The following TAF12 variants were observed in gnomAD, a reference collection of about 807,000 sequenced individuals.
TAF12 encodes the protein transcription initiation factor TFIID subunit 12.
Under a neutral mutation model 20.8 loss-of-function variants are expected in TAF12, and 3 were observed. That is an observed-to-expected ratio of 0.14 (90% CI 0.07 to 0.37). The LOEUF is 0.37. Among genes scored for constraint, TAF12 ranks in the 10% least tolerant of loss-of-function variants. The pLI is 1.00. For missense variants in TAF12, 131 were observed against 197.9 expected (o/e 0.66, Z 2.03); for synonymous variants, 69 against 70.2 (o/e 0.98, Z 0.09).
intron 1 of TAF12, among the ~76,000 whole-genome samples, chr1:28,629,640 GTTTT>G (rs561078657): frequency 2.0e-5 from 3 of 151,812 alleles, no homozygotes; most frequent in Non-Finnish European, 2.9e-5. Context: ...CAGGCCTTGG[GTTTT>G]TTGTTTGTTT....
At chr1:28,612,435 G>A (rs540077733) in intron 4 of TAF12, among the ~76,000 whole-genome samples, 50 of 144,012 alleles carry the variant, frequency 3.5e-4, no homozygotes, top group Non-Finnish European at 7.2e-4. Flanking sequence ...AGTGAGACTC[G>A]ATCAAAAAAA....
intron 1 of TAF12, among the ~76,000 whole-genome samples, chr1:28,635,147 G>A (rs1335189618): frequency 5.2e-5 from 6 of 115,098 alleles, no homozygotes; most frequent in Non-Finnish European, 9.1e-5. Flanking sequence ...GGAGAATAGC[G>A]CGAACCCGGG....
At chr1:28,623,830 T>G in intron 1 of TAF12, 2 of 327,018 alleles carry the variant, frequency 6.1e-6, no homozygotes, top group Non-Finnish European at 8.8e-6. Flanking sequence ...CTGGAGCAGC[T>G]GAGACTCCTG....
upstream of TAF12, among the ~76,000 whole-genome samples, chr1:28,643,695 C>G (rs1234347872): frequency 1.3e-5 from 2 of 152,178 alleles, no homozygotes; most frequent in Non-Finnish European, 2.9e-5. Flanking sequence ...ACTCAGAACT[C>G]ACTACTAAGC....
chr1:28,639,412 G>GA (rs985457130), intron 1 of TAF12, among the ~76,000 whole-genome samples: 1 of 59,730 alleles, frequency 1.7e-5, no homozygotes, highest in Non-Finnish European at 3.4e-5. Flanking sequence ...GTGAAAGAGC[G>GA]AAACTCCGTC....
At chr1:28,618,455 G>GT (rs1223962596) in intron 2 of TAF12, among the ~76,000 whole-genome samples, 3 of 151,646 alleles carry the variant, frequency 2.0e-5, no homozygotes, top group African/African-American at 7.3e-5. Context: ...ATGGCTTACT[G>GT]TAGCCTTGAC....
At chr1:28,641,438 G>A (rs1015740786) in intron 1 of TAF12, among the ~76,000 whole-genome samples, 1 of 151,664 alleles carries the variant, frequency 6.6e-6, no homozygotes, top group South Asian at 2.1e-4. Context: ...AGCCGAGATC[G>A]TGCCACTGCA....
At chr1:28,633,164 CTTTTTTTT>C (rs769194043) in intron 1 of TAF12, among the ~76,000 whole-genome samples, 1 of 117,562 alleles carries the variant, frequency 8.5e-6, no homozygotes. Flanking sequence ...GCCCGGCCTA[CTTTTTTTT>C]TTTTTTTTTT....
At chr1:28,633,541 C>G (rs1392654428) in intron 1 of TAF12, among the ~76,000 whole-genome samples, 1 of 151,450 alleles carries the variant, frequency 6.6e-6, no homozygotes, top group Non-Finnish European at 1.5e-5. Flanking sequence ...CTTTGGGAGG[C>G]TGAGGCGGGC....
chr1:28,631,296 C>T (rs760919556), intron 1 of TAF12, among the ~76,000 whole-genome samples: 10 of 150,748 alleles, frequency 6.6e-5, no homozygotes, highest in African/African-American at 2.2e-4. Flanking sequence ...CCGAGGCAGG[C>T]AGATCACCTG....
intron 1 of TAF12, among the ~76,000 whole-genome samples, chr1:28,640,299 AAT>A (rs1384004958): frequency 1.3e-5 from 2 of 152,218 alleles, no homozygotes; most frequent in African/African-American, 4.8e-5. Flanking sequence ...TAAGTACCCT[AAT>A]ATGTTATAGT....
chr1:28,606,174 T>C (rs879624915), intron 4 of TAF12, among the ~76,000 whole-genome samples: 2 of 152,068 alleles, frequency 1.3e-5, no homozygotes, highest in Non-Finnish European at 2.9e-5. Context: ...AATTTTTGTA[T>C]TTTTAGTAGA....
chr1:28,615,852 G>A (rs1420989706), intron 3 of TAF12, among the ~76,000 whole-genome samples: 1 of 152,124 alleles, frequency 6.6e-6, no homozygotes. Context: ...AAATTACTCT[G>A]AAGTAAAGTC....
intron 1 of TAF12, among the ~76,000 whole-genome samples, chr1:28,632,787 C>T (rs901401406): frequency 6.6e-6 from 1 of 151,984 alleles, no homozygotes; most frequent in Non-Finnish European, 1.5e-5. Flanking sequence ...TGTTGTAGTG[C>T]TTACATGACA....
rs564586207 is a variant in TAF12 at position 28,635,107 on chromosome 1, G to A, written c.-85+7885C>T. 3.4e-5 allele frequency among the ~76,000 whole-genome samples: 5 copies of A among 147,528 alleles called. No homozygotes were observed. The Admixed American group carries it at 3.4e-4, about 10-fold the overall frequency. On this transcript the variant is annotated intron_variant, in intron 1 of 5. Coordinates refer to ENST00000373824, the MANE Select transcript of TAF12 (RefSeq NM_005644.4). ...TAGACAGGCATGGTGGCGGGTGCCT[G>A]TAGTCCCAGCTACTCCGGAGGCTGA... is the stretch of plus-strand genomic sequence containing the variant.
chr1:28,623,431 G>T (rs1667285017), intron 1 of TAF12, among the ~76,000 whole-genome samples: 1 of 151,854 alleles, frequency 6.6e-6, no homozygotes, highest in Non-Finnish European at 1.5e-5. Flanking sequence ...TAAGGCAGAA[G>T]AATTGCTTGA....
At chr1:28,634,168 C>T (rs1667736722) in intron 1 of TAF12, among the ~76,000 whole-genome samples, 1 of 151,928 alleles carries the variant, frequency 6.6e-6, no homozygotes, top group African/African-American at 2.4e-5. Context: ...GTAATCTCCA[C>T]ACTTTGGGAG....
intron 2 of TAF12, among the ~76,000 whole-genome samples, chr1:28,619,275 C>T (rs548650022): frequency 1.8e-4 from 27 of 151,648 alleles, no homozygotes; most frequent in Middle Eastern, 3.4e-3. Flanking sequence ...GAGCGGATCA[C>T]GAGGTGAGAA....
intron 5 of TAF12, among the ~76,000 whole-genome samples, chr1:28,604,593 TC>T (rs1437002238): frequency 5.3e-5 from 8 of 152,322 alleles, no homozygotes; most frequent in African/African-American, 1.9e-4. Flanking sequence ...GTGCAATCTT[TC>T]CATTCAGGAA....
Sources: allele counts gnomAD v4.1 joint callset (sites outside exome capture counted in the v4.1 genomes callset), GRCh38; gene constraint gnomAD v4.1.1; transcripts MANE v1.5; gene names NCBI Gene and HGNC (gene_info 2026-07-23, HGNC 2026-07-21).